AK9: variants seen among roughly 807,000 people sequenced by gnomAD.
AK9 encodes the protein adenylate kinase domain containing 1.
Under a neutral mutation model 239.6 loss-of-function variants are expected in AK9, and 191 were observed. The ratio of observed to expected loss-of-function variants is 0.80; its 90% CI spans 0.71 to 0.90. The LOEUF (loss-of-function observed/expected upper bound fraction) is 0.90. Among genes scored for constraint, AK9 ranks in the 40% least tolerant of loss-of-function variants. The pLI, the probability that AK9 is intolerant of heterozygous loss-of-function variation, is 0.00. For missense variants in AK9, 1,995 were observed against 2,214.7 expected, an observed-to-expected ratio of 0.90 and a Z score of 1.99; for synonymous variants, 689 against 721.0, an observed-to-expected ratio of 0.96 and a Z score of 0.71.
intron 1 of AK9, chr6:109,690,788 GTC>G (rs1774266480): frequency 6.5e-6 from 1 of 153,334 alleles, no homozygotes; most frequent in East Asian, 1.9e-4. Flanking sequence ...CACTGCGCTA[GTC>G]TCTGTCGACA....
chr6:109,647,753 C>T (rs1798283891), intron 8 of AK9, among the ~76,000 whole-genome samples: 1 of 151,752 alleles, frequency 6.6e-6, no homozygotes, highest in African/African-American at 2.4e-5. Context: ...TAGACATCTA[C>T]AGAACTCTCC....
intron 5 of AK9, among the ~76,000 whole-genome samples, chr6:109,668,950 G>C (rs1431093429): frequency 8.0e-6 from 1 of 124,534 alleles, no homozygotes; most frequent in Non-Finnish European, 1.8e-5. Flanking sequence ...TTGGTAGCTT[G>C]ATGGGGATGG....
intron 17 of AK9, among the ~76,000 whole-genome samples, chr6:109,587,543 A>C (rs1208858222): frequency 6.6e-6 from 1 of 152,068 alleles, no homozygotes; most frequent in Non-Finnish European, 1.5e-5. Context: ...ATTGTCCATC[A>C]TTCCATATTC....
chr6:109,610,956 G>T (rs1460178003), intron 16 of AK9, among the ~76,000 whole-genome samples: 1 of 152,168 alleles, frequency 6.6e-6, no homozygotes, highest in Non-Finnish European at 1.5e-5. Flanking sequence ...GAGAAAAGGT[G>T]GCATAGCCTG....
intron 26 of AK9, among the ~76,000 whole-genome samples, chr6:109,543,463 T>G (rs192729083): frequency 5.3e-5 from 8 of 152,258 alleles, no homozygotes; most frequent in Non-Finnish European, 8.8e-5. Context: ...TTTTTCTTTT[T>G]TTGAGATGGA....
chr6:109,540,946 A>G (rs1470238437), intron 27 of AK9, among the ~76,000 whole-genome samples: 1 of 152,176 alleles, frequency 6.6e-6, no homozygotes, highest in African/African-American at 2.4e-5. Flanking sequence ...GTCAAAAATC[A>G]TACTGTTAGC....
At chr6:109,597,602 G>A (rs558141634) in intron 17 of AK9, among the ~76,000 whole-genome samples, 8 of 152,270 alleles carry the variant, frequency 5.3e-5, no homozygotes, top group South Asian at 2.1e-4. Flanking sequence ...GAACCTGGGA[G>A]GCGGAGCTTG....
In AK9 at chr6:109,667,362, T is replaced by G. The variant is rs946914641; in HGVS notation, c.331+4557A>C. On this transcript the variant is annotated intron_variant, in intron 5 of 40. Transcript: ENST00000424296. Reference sequence around the variant, plus strand: ...TTAATCTCATTTTGAAGTTACTATTTTAGTTGTCATTTGCTTAATTATTTT... The same window carrying G: ...TTAATCTCATTTTGAAGTTACTATTGTAGTTGTCATTTGCTTAATTATTTT... Among the ~76,000 whole-genome samples the G allele has an allele frequency of 5.3e-5, 8 of 152,182 alleles. No homozygotes were observed. The South Asian group carries it at 1.7e-3, about 32-fold the overall frequency.
chr6:109,563,697 G>C lies in AK9; in HGVS notation c.2651C>G (p.Thr884Ser). ...ATCTTCCCCAGTTAACTCCCATGCA[G>C]TATATTGAAATGGTTCTGGAGAAAA... ...VETMEKPFQYTAWELTGEDYE... is the reference protein window; with the variant it reads ...VETMEKPFQYSAWELTGEDYE... Residue 884 changes from threonine to serine, a missense_variant, in exon 24 of 41, where the codon ACT (threonine) becomes AGT (serine). By Grantham distance (58) the Thr-to-Ser change is moderately conservative. This residue lies in a region of AK9 where 1,290 missense variants were observed against 1,392.7 expected (regional missense o/e 0.93). Transcript: ENST00000424296. 6.5e-7 allele frequency: 1 copy of C among 1,550,212 alleles called. No individual in the cohort carries two copies. The highest frequency in any genetic ancestry group is 8.7e-7 in the Non-Finnish European group (1 of 1,145,918).
intron 1 of AK9, among the ~76,000 whole-genome samples, chr6:109,675,973 G>T (rs985495675): frequency 6.6e-6 from 1 of 152,066 alleles, no homozygotes; most frequent in Non-Finnish European, 1.5e-5. Context: ...ACTATATGTT[G>T]TATAAAAGAG....
chr6:109,565,347 C>A (rs995899800), intron 21 of AK9, among the ~76,000 whole-genome samples: 7 of 152,096 alleles, frequency 4.6e-5, no homozygotes, highest in African/African-American at 1.7e-4. Context: ...TGGTGGCTCA[C>A]ACCTGTGGTC....
intron 3 of AK9, among the ~76,000 whole-genome samples, chr6:109,673,009 T>TGGA (rs1253907441): frequency 1.3e-5 from 2 of 152,162 alleles, no homozygotes; most frequent in Non-Finnish European, 2.9e-5. Flanking sequence ...TCCAATGATT[T>TGGA]ATTTCCTTTA....
At position 109,506,501 on chromosome 6, in the gene AK9, T is replaced by C. The variant is rs377537292; in HGVS notation, c.4675A>G (p.Asn1559Asp). The C allele has an allele frequency of 1.9e-6, 3 of 1,608,554 alleles. No individual in the cohort carries two copies. The African/African-American group carries it at 4.0e-5, about 21-fold the overall frequency. Residue 1559 changes from asparagine to aspartate, a missense_variant, in exon 35 of 41, where the codon AAT (asparagine) becomes GAT (aspartate). By Grantham distance (23) the Asn-to-Asp change is conservative (BLOSUM62 1). Coordinates refer to ENST00000424296, the MANE Select transcript of AK9 (RefSeq NM_001145128.3). ...CCAATATTTTTGCGATACTTTACAT[T>C]ATTGACAGCTACAATTTGTGCACTA... ...HNSAQIVAVNNVKYRKNIGEI... is the reference protein window; with the variant it reads ...HNSAQIVAVNDVKYRKNIGEI...
chr6:109,501,828 GAGCC>G (rs1748217615), intron 35 of AK9, among the ~76,000 whole-genome samples: 1 of 152,240 alleles, frequency 6.6e-6, no homozygotes, highest in African/African-American at 2.4e-5. Flanking sequence ...GAAGAGCTGA[GAGCC>G]AGCTGGATGG....
chr6:109,647,002 G>GCC (rs1483406342), intron 8 of AK9, among the ~76,000 whole-genome samples: 17 of 152,272 alleles, frequency 1.1e-4, no homozygotes, highest in Admixed American at 3.9e-4. Context: ...CTTCATAACT[G>GCC]AAGGAGAAAT....
rs147943857 is a variant in AK9 at position 109,515,370 on chromosome 6, C to T, written c.4065+487G>A. 3.9e-3 allele frequency among the ~76,000 whole-genome samples: 593 copies of T among 152,266 alleles called. 2 individuals are homozygous for T. Among genetic ancestry groups the T allele is most frequent in the African/African-American group, 0.012 (512 of 41,546 alleles). On this transcript the variant is annotated intron_variant, in intron 31 of 40. Coordinates refer to ENST00000424296, the MANE Select transcript of AK9 (RefSeq NM_001145128.3). The stretch of plus-strand genomic sequence containing the variant: ...TAGGAATGAAGTTGGAGGAGTGGTG[C>T]CCCATCTTTGCACTGGTGATGATGA...
intron 1 of AK9, among the ~76,000 whole-genome samples, chr6:109,681,566 G>C (rs1370562999): frequency 6.6e-6 from 1 of 152,084 alleles, no homozygotes; most frequent in Non-Finnish European, 1.5e-5. Flanking sequence ...TGATATTCAG[G>C]ACTTGAACTC....
At chr6:109,588,253 T>C (rs1478666274) in intron 17 of AK9, among the ~76,000 whole-genome samples, 1 of 152,118 alleles carries the variant, frequency 6.6e-6, no homozygotes, top group East Asian at 1.9e-4. Flanking sequence ...GTATTTTTAG[T>C]AGAGACGGGG....
At chr6:109,566,005 A>G (rs181593905) in intron 21 of AK9, among the ~76,000 whole-genome samples, 1 of 152,258 alleles carries the variant, frequency 6.6e-6, no homozygotes, top group Non-Finnish European at 1.5e-5. Context: ...CATGGAAGAG[A>G]AAAGAACACC....
Sources: gnomAD v4.1 joint callset for allele counts (sites outside exome capture counted in the v4.1 genomes callset) on GRCh38, gnomAD v4.1.1 for gene constraint, gnomAD v4.1.1 regional missense constraint, MANE v1.5 for transcripts, NCBI Gene and HGNC (gene_info 2026-07-23, HGNC 2026-07-21) for gene names.